STC2: variants seen among roughly 807,000 people sequenced by gnomAD.
STC2 encodes the protein stanniocalcin 2, also known as stanniocalcin-2.
A neutral mutation model predicts 22.7 loss-of-function variants in STC2; 7 were observed. That is an observed-to-expected ratio of 0.31 (90% CI 0.18 to 0.58). The LOEUF (loss-of-function observed/expected upper bound fraction) is 0.58. Ranked by LOEUF, STC2 falls within the 20% of genes least tolerant of loss-of-function variation. STC2 has a pLI of 0.89. For missense variants in STC2, 336 were observed against 406.2 expected, an observed-to-expected ratio of 0.83 and a Z score of 1.48; for synonymous variants, 158 against 163.4, an observed-to-expected ratio of 0.97 and a Z score of 0.25.
At chr5:173,327,003 G>A (rs913561323) in intron 1 of STC2, among the ~76,000 whole-genome samples, 37 of 147,262 alleles carry the variant, frequency 2.5e-4, no homozygotes, top group African/African-American at 8.9e-4. Context: ...ACCGACCACC[G>A]AGAATCAGGT....
Position 173,325,917 on chromosome 5 carries a change from T to G in STC2, c.245A>C (p.His82Pro). 2 of 1,614,200 alleles carry G rather than the reference T, an allele frequency of 1.2e-6. No individual in the cohort carries two copies. The highest frequency in any genetic ancestry group is 8.5e-7 in the Non-Finnish European group (1 of 1,180,034). ...GTGCAGAAAAGTCATGCAAATCCCA[T>G]GTAAGCCCCGAATCTCACAAGAGTT... ...ENNSCEIRGLHGICMTFLHNA... is the reference protein window; with the variant it reads ...ENNSCEIRGLPGICMTFLHNA... Residue 82 changes from histidine to proline, a missense_variant, in exon 2 of 4, where the codon CAT (histidine) becomes CCT (proline). Physicochemically the swap from His to Pro is moderately conservative, Grantham distance 77. Around this residue, in one of 3 missense-constraint regions of STC2, gnomAD observed 99 missense variants for 122.7 expected, o/e 0.81. Transcript: ENST00000265087. The surrounding 1 kb of genome is among the most constrained non-coding windows in gnomAD (Gnocchi z 4.7).
Position 173,325,832 on chromosome 5 carries a change from C to A in STC2, c.294+36G>T, listed in dbSNP as rs758748245. The A allele has an allele frequency of 3.7e-6, 6 of 1,613,242 alleles. No individual in the cohort carries two copies. The African/African-American group carries it at 6.7e-5, about 18-fold the overall frequency. On this transcript the variant is annotated intron_variant, in intron 2 of 3. Coordinates refer to ENST00000265087, the MANE Select transcript of STC2 (RefSeq NM_003714.3). The surrounding 1 kb of genome is among the most constrained non-coding windows in gnomAD (Gnocchi z 4.7). ...TGAACGTTTCAATCATGTATGCTCA[C>A]CCCAAACATTCTTCATGCTCTGGAT...
chr5:173,317,922 GC>G lies in STC2; in HGVS notation c.833del (p.Gly278AlafsTer79). 1.2e-6 allele frequency: 2 copies of G among 1,613,092 alleles called. No individual in the cohort carries two copies. Among genetic ancestry groups the G allele is most frequent in the Non-Finnish European group, 8.5e-7 (1 of 1,179,596 alleles). ...TTCCGGAAGGTCCCTGAGCCCCAAG[GC>G]CCCCGACTCTGCCTCGGGCATGGGC... ...PNAHARGRVG[G>X]LGAQGPSGSS... On this transcript the variant is annotated frameshift_variant, in exon 4 of 4. Coordinates refer to ENST00000265087, the MANE Select transcript of STC2 (RefSeq NM_003714.3). LOFTEE classifies it high-confidence loss of function.
chr5:173,320,647 G>T (rs1365096968), intron 3 of STC2, among the ~76,000 whole-genome samples: 1 of 151,994 alleles, frequency 6.6e-6, no homozygotes, highest in Admixed American at 6.5e-5. Flanking sequence ...GGGCAGGAAG[G>T]GGTGAGGGGA....
chr5:173,326,095 C>T, intron 1 of STC2, 85 bp from the exon 2 acceptor site: 3 of 1,460,668 alleles, frequency 2.1e-6, no homozygotes, highest in Non-Finnish European at 2.8e-6. Context: ...TAAAAGTTAA[C>T]AACTAAAGGA....
chr5:173,316,079 G>C lies in STC2; in HGVS notation c.*1768C>G, dbSNP rs1166663477. 2.6e-5 allele frequency: 4 copies of C among 152,274 alleles called. No homozygotes were observed. The highest frequency in any genetic ancestry group is 5.9e-5 in the Non-Finnish European group (4 of 68,072). 9.4% of individuals were successfully genotyped at this position (152,274 alleles called of 1,614,324 possible). Reference sequence around the variant, plus strand: ...GTGTCTGGCCTCAGGTTGCCTTGAGGAAGAGCTGATGAGTTGACGGATAAG... The same window carrying C: ...GTGTCTGGCCTCAGGTTGCCTTGAGCAAGAGCTGATGAGTTGACGGATAAG... On this transcript the variant is annotated 3_prime_UTR_variant, in exon 4 of 4. Coordinates refer to ENST00000265087, the MANE Select transcript of STC2 (RefSeq NM_003714.3).
At chr5:173,319,537 G>A (rs1353175165) in intron 3 of STC2, among the ~76,000 whole-genome samples, 5 of 152,242 alleles carry the variant, frequency 3.3e-5, no homozygotes, top group Admixed American at 6.5e-5. Flanking sequence ...GAGAGGCTGC[G>A]TTACAGCCCA....
chr5:173,328,151 C>A lies in STC2; in HGVS notation c.43G>T (p.Val15Leu). 6.3e-7 allele frequency: 1 copy of A among 1,597,378 alleles called. No homozygotes were observed. Among genetic ancestry groups the A allele is most frequent in the Non-Finnish European group, 8.5e-7 (1 of 1,171,884 alleles). ...RLGQFMTLALVLATFDPARGT... is the reference protein window; with the variant it reads ...RLGQFMTLALLLATFDPARGT... Reference sequence around the variant, plus strand: ...CGCGCCGGGTCAAAGGTGGCCAACACCAAAGCCAGGGTCATGAACTGGCCC... The same window carrying A: ...CGCGCCGGGTCAAAGGTGGCCAACAACAAAGCCAGGGTCATGAACTGGCCC... Residue 15 changes from valine to leucine, a missense_variant, in exon 1 of 4, where the codon GTG (valine) becomes TTG (leucine). Coordinates refer to ENST00000265087, the MANE Select transcript of STC2 (RefSeq NM_003714.3).
At position 173,325,722 on chromosome 5, in the gene STC2, A is replaced by T; in HGVS notation, c.294+146T>A. The T allele has an allele frequency of 9.0e-7, 1 of 1,113,266 alleles. No homozygotes were observed. The highest frequency in any genetic ancestry group is 1.3e-6 in the Non-Finnish European group (1 of 764,914). The allele number at this position is 1,113,266 out of a possible 1,614,324, so 69.0% of individuals were successfully genotyped here. A position where few individuals can be genotyped will look rare whatever the true frequency, so the allele number is the denominator to read the frequency against. On this transcript the variant is annotated intron_variant, in intron 2 of 3. Transcript: ENST00000265087. This position sits in a 1 kb window ranked among gnomAD's most constrained non-coding sequence, Gnocchi z 4.7. ...AGTGCAGAAGGGAGACACTGGCATAATGTTTTATACCTAGACTGTCGCTTG... is the reference window on the plus strand; with the variant it reads ...AGTGCAGAAGGGAGACACTGGCATATTGTTTTATACCTAGACTGTCGCTTG...
rs1239089585 is a variant in STC2, at chr5:173,325,443, G to A, written c.294+425C>T. ...GGAGGAATAGAAGTCTGCTCTTTTGGAGGTCCTGAGTTATTCGGGTTGGCT... is the reference window on the plus strand; with the variant it reads ...GGAGGAATAGAAGTCTGCTCTTTTGAAGGTCCTGAGTTATTCGGGTTGGCT... On this transcript the variant is annotated intron_variant, in intron 2 of 3. Coordinates refer to ENST00000265087, the MANE Select transcript of STC2 (RefSeq NM_003714.3). This position sits in a 1 kb window ranked among gnomAD's most constrained non-coding sequence, Gnocchi z 4.7. 6.6e-6 allele frequency among the ~76,000 whole-genome samples: 1 copy of A among 152,204 alleles called. No individual in the cohort carries two copies. The highest frequency in any genetic ancestry group is 2.4e-5 in the African/African-American group (1 of 41,442).
Position 173,328,357 on chromosome 5 carries a change from G to T in STC2, c.-164C>A. Reference sequence around the variant, plus strand: ...CCGCGGCTCGGATAGAGGTTACCCAGCGCCCTCCCGTAGCTCTCCGGAGAG... The same window carrying T: ...CCGCGGCTCGGATAGAGGTTACCCATCGCCCTCCCGTAGCTCTCCGGAGAG... On this transcript the variant is annotated 5_prime_UTR_variant, in exon 1 of 4. The change creates a new upstream start codon in the 5' untranslated region. Transcript: ENST00000265087. 1 of 667,748 alleles carries T rather than the reference G, an allele frequency of 1.5e-6. No individual in the cohort carries two copies. The highest frequency in any genetic ancestry group is 2.2e-6 in the Non-Finnish European group (1 of 452,088). The allele number at this position is 667,748 out of a possible 1,614,324, so 41.4% of individuals were successfully genotyped here.
rs974604162 is a variant in STC2, at chr5:173,316,353, A to AC, written c.*1493dup. ...GGCCCTTTGCAGACAATGTTTGCTG[A>AC]CCCCCTACTCCAGAAGAGCCCAGCC... On this transcript the variant is annotated 3_prime_UTR_variant, in exon 4 of 4. Coordinates refer to ENST00000265087, the MANE Select transcript of STC2 (RefSeq NM_003714.3). 6.6e-6 allele frequency: 1 copy of AC among 150,690 alleles called. No individual in the cohort carries two copies. The highest frequency in any genetic ancestry group is 1.5e-5 in the Non-Finnish European group (1 of 67,714). The allele number at this position is 150,690 out of a possible 1,614,324, so 9.3% of individuals were successfully genotyped here. A position where few individuals can be genotyped will look rare whatever the true frequency, so the allele number is the denominator to read the frequency against.
chr5:173,325,771 GA>G lies in STC2; in HGVS notation c.294+96del. The G allele has an allele frequency of 1.3e-6, 2 of 1,550,262 alleles. No individual in the cohort carries two copies. The highest frequency in any genetic ancestry group is 1.7e-5 in the Admixed American group (1 of 58,840). On this transcript the variant is annotated intron_variant, in intron 2 of 3. Transcript: ENST00000265087. This position sits in a 1 kb window ranked among gnomAD's most constrained non-coding sequence, Gnocchi z 4.7. ...TGCAAGCACTAAAACACACCACAAG[GA>G]ACAGCAAAGGAAGTTGGTTAACAAG...
Position 173,323,119 on chromosome 5 carries a change from G to A in STC2, c.506+100C>T. 9.0e-7 allele frequency: 1 copy of A among 1,117,154 alleles called. No homozygotes were observed. Among genetic ancestry groups the A allele is most frequent in the Middle Eastern group, 2.0e-4 (1 of 4,920 alleles). The allele number at this position is 1,117,154 out of a possible 1,614,324, so 69.2% of individuals were successfully genotyped here. ...AAATGGAAGCCTTCTCCATTTGACA[G>A]GCATTCAGCCTCTAGAAGCAACGCG... is the stretch of plus-strand genomic sequence containing the variant. On this transcript the variant is annotated intron_variant, in intron 3 of 3. Coordinates refer to ENST00000265087, the MANE Select transcript of STC2 (RefSeq NM_003714.3). The surrounding 1 kb of genome is among the most constrained non-coding windows in gnomAD (Gnocchi z 5.4).
intron 3 of STC2, among the ~76,000 whole-genome samples, chr5:173,321,060 C>T (rs1477382700): frequency 6.6e-6 from 1 of 152,030 alleles, no homozygotes; most frequent in African/African-American, 2.4e-5. Context: ...GCAAGAGGAA[C>T]AGCATGTGAC....
intron 3 of STC2, among the ~76,000 whole-genome samples, chr5:173,320,636 C>A (rs1160932501): frequency 3.1e-5 from 4 of 130,436 alleles, no homozygotes; most frequent in Non-Finnish European, 6.4e-5. Context: ...GAAAGTGGGG[C>A]GGGCAGGAAG....
Position 173,318,087 on chromosome 5 carries a change from G to C in STC2, c.669C>G (p.Pro223=), listed in dbSNP as rs11554179. 48 of 1,605,768 alleles carry C rather than the reference G, an allele frequency of 3.0e-5. No individual in the cohort carries two copies. Among genetic ancestry groups the C allele is most frequent in the Non-Finnish European group, 4.0e-5 (47 of 1,177,208 alleles). The change falls in exon 4 of 4, where the codon CCC becomes CCG. Residue 223 remains proline (P), a synonymous_variant. Transcript: ENST00000265087. The part of the protein sequence containing the change: ...SAIQKPPTAP[P]ERQPQVDRTK... ...TTCTGTCCACCTGGGGCTGGCGCTCGGGGGGCGCCGTGGGAGGCTTCTGGA... is the reference window on the plus strand; with the variant it reads ...TTCTGTCCACCTGGGGCTGGCGCTCCGGGGGCGCCGTGGGAGGCTTCTGGA...
chr5:173,317,711 C>G lies in STC2; in HGVS notation c.*136G>C, dbSNP rs1762438279. ...CTCACCTGTCCGTTCCGCGAACACA[C>G]ACCTCGATGAAGTCCACAGTCCCCA... On this transcript the variant is annotated 3_prime_UTR_variant, in exon 4 of 4. Coordinates refer to ENST00000265087, the MANE Select transcript of STC2 (RefSeq NM_003714.3). 8.1e-7 allele frequency: 1 copy of G among 1,241,440 alleles called. No individual in the cohort carries two copies. The highest frequency in any genetic ancestry group is 1.5e-5 in the African/African-American group (1 of 67,012). The allele number at this position is 1,241,440 out of a possible 1,614,324, so 76.9% of individuals were successfully genotyped here. A position where few individuals can be genotyped will look rare whatever the true frequency, so the allele number is the denominator to read the frequency against.
rs1228340075 is a variant in STC2 at position 173,323,979 on chromosome 5, C to G, written c.295-549G>C. On this transcript the variant is annotated intron_variant, in intron 2 of 3. Transcript: ENST00000265087. This position sits in a 1 kb window ranked among gnomAD's most constrained non-coding sequence, Gnocchi z 5.4. The stretch of plus-strand genomic sequence containing the variant: ...CTCCGTGCCTCCCACGCCCCAAATC[C>G]ATACCCTTGTCTCCTCCTACCCTAC... 1 of 164,728 alleles carries G rather than the reference C, an allele frequency of 6.1e-6. No individual in the cohort carries two copies. Among genetic ancestry groups the G allele is most frequent in the African/African-American group, 2.4e-5 (1 of 41,846 alleles). 10.2% of individuals were successfully genotyped at this position (164,728 alleles called of 1,614,324 possible). A position where few individuals can be genotyped will look rare whatever the true frequency, so the allele number is the denominator to read the frequency against.
Sources: gnomAD v4.1 joint callset for allele counts (sites outside exome capture counted in the v4.1 genomes callset) on GRCh38, gnomAD v4.1.1 for gene constraint, gnomAD v4.1.1 regional missense constraint, Gnocchi (gnomAD v3.1) non-coding constraint, MANE v1.5 for transcripts, NCBI Gene and HGNC (gene_info 2026-07-23, HGNC 2026-07-21) for gene names.